The following NSMCE2 variants were observed in gnomAD, a reference collection of about 807,000 sequenced individuals.
The protein encoded by NSMCE2 is E3 SUMO-protein ligase NSE2.
NSMCE2 carries 24 observed loss-of-function variants against 23.8 expected under a neutral mutation model. The observed-to-expected ratio is 1.01, with a 90% CI of 0.73 to 1.42. The LOEUF (loss-of-function observed/expected upper bound fraction) is 1.42. NSMCE2 is among the 40% of genes most tolerant of loss of function. The pLI is 0.00. For missense variants in NSMCE2, 284 were observed against 296.5 expected, an observed-to-expected ratio of 0.96 and a Z score of 0.31; for synonymous variants, 92 against 94.1, an observed-to-expected ratio of 0.98 and a Z score of 0.13.
intron 5 of NSMCE2, among the ~76,000 whole-genome samples, chr8:125,263,118 A>G (rs950959568): frequency 2.6e-5 from 4 of 152,362 alleles, no homozygotes; most frequent in Middle Eastern, 3.4e-3. Flanking sequence ...TACACATTGC[A>G]TTAAATCAGC....
chr8:125,217,740 G>A (rs1207078630), intron 5 of NSMCE2, among the ~76,000 whole-genome samples: 1 of 152,122 alleles, frequency 6.6e-6, no homozygotes, highest in East Asian at 1.9e-4. Context: ...GCTCAGTCCT[G>A]TTATTACAGC....
intron 5 of NSMCE2, among the ~76,000 whole-genome samples, chr8:125,277,656 G>A (rs761321837): frequency 1.3e-5 from 2 of 151,934 alleles, no homozygotes; most frequent in Admixed American, 6.6e-5. Context: ...ACAGGCACCC[G>A]CCACCACACC....
intron 5 of NSMCE2, among the ~76,000 whole-genome samples, chr8:125,204,999 G>C (rs887047661): frequency 2.0e-5 from 3 of 152,178 alleles, no homozygotes; most frequent in Non-Finnish European, 2.9e-5. Context: ...TCTGGCTCCA[G>C]GCTCCTATTT....
chr8:125,174,899 T>C (rs896347846), intron 4 of NSMCE2, among the ~76,000 whole-genome samples: 10 of 152,170 alleles, frequency 6.6e-5, no homozygotes, highest in Admixed American at 6.5e-4. Context: ...TTTGGTCCAA[T>C]AGAGTTCAGT....
chr8:125,353,835 A>ATCG (rs1302227878), intron 5 of NSMCE2, among the ~76,000 whole-genome samples: 1 of 151,636 alleles, frequency 6.6e-6, no homozygotes, highest in African/African-American at 2.4e-5. Flanking sequence ...ATGAGCCAAG[A>ATCG]TCGTGCCATT....
At chr8:125,333,855 G>A (rs1197345142) in intron 5 of NSMCE2, among the ~76,000 whole-genome samples, 1 of 152,148 alleles carries the variant, frequency 6.6e-6, no homozygotes, top group African/African-American at 2.4e-5. Context: ...ACCACTGCGA[G>A]GCCATTTCCC....
chr8:125,172,265 G>A (rs1822258136), intron 4 of NSMCE2, among the ~76,000 whole-genome samples: 2 of 152,156 alleles, frequency 1.3e-5, no homozygotes, highest in South Asian at 4.1e-4. Flanking sequence ...GACTGAGGTG[G>A]CATATCTGTA....
intron 5 of NSMCE2, among the ~76,000 whole-genome samples, chr8:125,219,025 T>G (rs896299261): frequency 8.5e-5 from 13 of 152,176 alleles, no homozygotes; most frequent in African/African-American, 2.7e-4. Flanking sequence ...TGTGGTTACA[T>G]TATCAGAAAA....
chr8:125,107,117 G>A (rs1338414092), intron 3 of NSMCE2, among the ~76,000 whole-genome samples: 1 of 151,636 alleles, frequency 6.6e-6, no homozygotes, highest in Non-Finnish European at 1.5e-5. Context: ...ATGTCTTTCA[G>A]ATACCCAAAC....
chr8:125,281,209 A>AT (rs1345876438), intron 5 of NSMCE2, among the ~76,000 whole-genome samples: 1 of 152,220 alleles, frequency 6.6e-6, no homozygotes, highest in Non-Finnish European at 1.5e-5. Flanking sequence ...AAACAACAGC[A>AT]TGGGTTATTC....
chr8:125,161,611 A>G (rs1210012916), intron 4 of NSMCE2, among the ~76,000 whole-genome samples: 1 of 152,030 alleles, frequency 6.6e-6, no homozygotes, highest in Non-Finnish European at 1.5e-5. Context: ...CAGCCTGGCC[A>G]ACATGGTGAA....
intron 7 of NSMCE2, among the ~76,000 whole-genome samples, chr8:125,365,199 C>G (rs1586826074): frequency 6.6e-6 from 1 of 152,270 alleles, no homozygotes; most frequent in East Asian, 1.9e-4. Context: ...GACTGTGGTT[C>G]TGTGCTGCAG....
intron 1 of NSMCE2, among the ~76,000 whole-genome samples, chr8:125,093,728 A>G (rs960972842): frequency 2.0e-5 from 3 of 151,748 alleles, no homozygotes; most frequent in Non-Finnish European, 4.4e-5. Flanking sequence ...GTCTCAAAAA[A>G]TAAATAAATA....
At chr8:125,207,605 T>G (rs1363715709) in intron 5 of NSMCE2, among the ~76,000 whole-genome samples, 4 of 152,178 alleles carry the variant, frequency 2.6e-5, no homozygotes, top group Non-Finnish European at 4.4e-5. Context: ...GCTCTCTTAG[T>G]TTTTATTGTG....
chr8:125,344,957 T>G (rs1166799634), intron 5 of NSMCE2, among the ~76,000 whole-genome samples: 3 of 151,896 alleles, frequency 2.0e-5, no homozygotes, highest in Admixed American at 6.6e-5. Context: ...TATCTATACT[T>G]CTCCAATGTT....
At chr8:125,152,688 CA>C (rs1821098715) in intron 4 of NSMCE2, among the ~76,000 whole-genome samples, 1 of 152,254 alleles carries the variant, frequency 6.6e-6, no homozygotes, top group South Asian at 2.1e-4. Flanking sequence ...ATTTTGGAGT[CA>C]AAGAACGTTA....
intron 3 of NSMCE2, among the ~76,000 whole-genome samples, chr8:125,140,630 T>G (rs1378691434): frequency 6.6e-6 from 1 of 151,904 alleles, no homozygotes; most frequent in Non-Finnish European, 1.5e-5. Context: ...GCCTGGGTGA[T>G]GGAGTGAGAC....
intron 5 of NSMCE2, chr8:125,182,750 T>A (rs954259638): frequency 6.3e-6 from 1 of 158,096 alleles, no homozygotes; most frequent in African/African-American, 2.4e-5. Context: ...TAGTATAAAT[T>A]CCATGTGGTT....
chr8:125,206,600 G>C (rs1824127578), intron 5 of NSMCE2, among the ~76,000 whole-genome samples: 1 of 152,182 alleles, frequency 6.6e-6, no homozygotes, highest in South Asian at 2.1e-4. Context: ...AGAACAAGGA[G>C]TTGAAGTTGG....
Sources: allele counts gnomAD v4.1 joint callset (sites outside exome capture counted in the v4.1 genomes callset), GRCh38; gene constraint gnomAD v4.1.1; transcripts MANE v1.5; gene names NCBI Gene and HGNC (gene_info 2026-07-23, HGNC 2026-07-21).